The following LARP4B variants were observed in gnomAD, a reference collection of about 807,000 sequenced individuals.
LARP4B encodes the protein la-related protein 4B.
Under a neutral mutation model 89.8 loss-of-function variants are expected in LARP4B, and 12 were observed. That is an observed-to-expected ratio of 0.13 (90% confidence interval 0.09 to 0.22). The LOEUF is 0.22. LARP4B is among the 10% of genes least tolerant of loss of function. LARP4B has a pLI of 1.00. For synonymous variants in LARP4B, 367 were observed against 363.3 expected (o/e 1.01, Z -0.12); for missense variants, 757 against 947.7 (o/e 0.80, Z 2.64).
chr10:948,913 C>T, the LARP4B span, among the ~76,000 whole-genome samples: 12 of 152,320 alleles, frequency 7.9e-5, no homozygotes, highest in East Asian at 1.9e-3. Flanking sequence ...AAGGCCATCT[C>T]GGTAGCTTCC....
chr10:949,284 G>A, the LARP4B span, among the ~76,000 whole-genome samples: 1 of 147,896 alleles, frequency 6.8e-6, no homozygotes, highest in African/African-American at 2.5e-5. Context: ...CGTTTTCCAG[G>A]CAGCTGTACC....
rs372868576 is a variant in LARP4B, at chr10:847,672, G to A, written c.431-2617C>T. Among the ~76,000 whole-genome samples, 26 of 152,054 alleles carry A rather than the reference G, an allele frequency of 1.7e-4. 1 individual carries two copies. In the East Asian group the frequency reaches 2.7e-3, roughly 16 times the overall value. On this transcript the variant is annotated intron_variant, in intron 5 of 17. Transcript: ENST00000316157. Reference sequence around the variant, plus strand: ...CTCCTGAGTAGCGGGGATTACAGGCGCACACCACCAGGCCCAGCTAATTTT... The same window carrying A: ...CTCCTGAGTAGCGGGGATTACAGGCACACACCACCAGGCCCAGCTAATTTT...
the LARP4B span, among the ~76,000 whole-genome samples, chr10:951,479 G>C: frequency 1.3e-5 from 2 of 152,084 alleles, no homozygotes; most frequent in African/African-American, 4.8e-5. Context: ...CCATGAGGTA[G>C]AGGTTGCAAT....
At chr10:981,118 C>T in the LARP4B span, among the ~76,000 whole-genome samples, 3 of 152,214 alleles carry the variant, frequency 2.0e-5, no homozygotes, top group African/African-American at 7.2e-5. Context: ...TAGAATGCAG[C>T]CAAGCTCTTT....
the LARP4B span, among the ~76,000 whole-genome samples, chr10:977,851 T>C: frequency 6.6e-6 from 1 of 152,078 alleles, no homozygotes; most frequent in Non-Finnish European, 1.5e-5. Flanking sequence ...GCTCCACCCA[T>C]ACCAAGGGAT....
chr10:820,776 G>A, intron 14 of LARP4B, 24 bp downstream of exon 14: 2 of 1,583,098 alleles, frequency 1.3e-6, no homozygotes, highest in South Asian at 2.3e-5. Flanking sequence ...GTCTTGTGAA[G>A]AGGTATATGC....
At chr10:984,743 C>T in the LARP4B span, among the ~76,000 whole-genome samples, 2 of 152,160 alleles carry the variant, frequency 1.3e-5, no homozygotes, top group African/African-American at 2.4e-5. Context: ...GACAACATGG[C>T]GAAATCTCCC....
intron 8 of LARP4B, among the ~76,000 whole-genome samples, chr10:832,044 T>A (rs576331024): frequency 5.8e-4 from 88 of 152,300 alleles, no homozygotes; most frequent in Admixed American, 1.7e-3. Context: ...TTTTATTTTT[T>A]TTTATTTATT....
the LARP4B span, among the ~76,000 whole-genome samples, chr10:983,125 T>G: frequency 6.6e-6 from 1 of 152,248 alleles, no homozygotes; most frequent in African/African-American, 2.4e-5. Flanking sequence ...TGTAGCATAT[T>G]TGGATTAATT....
chr10:863,642 A>G, intron 5 of LARP4B, 101 bp downstream of exon 5: 1 of 1,286,272 alleles, frequency 7.8e-7, no homozygotes, highest in Non-Finnish European at 1.1e-6. Context: ...AAAGCAGGCA[A>G]AGAAAGACCC....
the LARP4B span, among the ~76,000 whole-genome samples, chr10:945,573 A>G: frequency 6.6e-6 from 1 of 151,924 alleles, no homozygotes; most frequent in Admixed American, 6.6e-5. Flanking sequence ...CTGTAGTCCC[A>G]GCTACTCGGG....
chr10:952,339 C>CAAAA, the LARP4B span, among the ~76,000 whole-genome samples: 8 of 16,946 alleles, frequency 4.7e-4, no homozygotes, highest in African/African-American at 1.7e-3. Flanking sequence ...GACTCCATCT[C>CAAAA]AAAAAAAAAA....
In LARP4B at chr10:924,790, G is replaced by T. The variant is rs943717852; in HGVS notation, c.-40+6638C>A. Among the ~76,000 whole-genome samples the T allele has an allele frequency of 4.6e-5, 7 of 152,142 alleles. 1 individual carries two copies. The highest frequency in any genetic ancestry group is 4.4e-5 in the Non-Finnish European group (3 of 68,030). On this transcript the variant is annotated intron_variant, in intron 1 of 17. Transcript: ENST00000316157. ...TGTCAGTGCACTGCACTTTCTTATTGGATTATGTGATTGTCCACCTGTCTC... is the reference window on the plus strand; with the variant it reads ...TGTCAGTGCACTGCACTTTCTTATTTGATTATGTGATTGTCCACCTGTCTC...
chr10:924,612 C>T (rs1025088032), intron 1 of LARP4B, among the ~76,000 whole-genome samples: 1 of 152,242 alleles, frequency 6.6e-6, no homozygotes, highest in South Asian at 2.1e-4. Flanking sequence ...CTTGTTCACA[C>T]TAGTTCCTTC....
At chr10:871,412 C>T (rs374094400) in intron 3 of LARP4B, among the ~76,000 whole-genome samples, 65 of 152,014 alleles carry the variant, frequency 4.3e-4, no homozygotes, top group African/African-American at 1.4e-3. Context: ...GTCCACCACA[C>T]GCTCCACACA....
chr10:821,355 A>T (rs1443907533), intron 13 of LARP4B, among the ~76,000 whole-genome samples: 1 of 152,024 alleles, frequency 6.6e-6, no homozygotes, highest in Non-Finnish European at 1.5e-5. Flanking sequence ...CACGAAAACC[A>T]CACAAGGACC....
intron 1 of LARP4B, among the ~76,000 whole-genome samples, chr10:910,970 A>G (rs1202301601): frequency 6.6e-6 from 1 of 152,186 alleles, no homozygotes; most frequent in Admixed American, 6.5e-5. Context: ...CTTAGACCCT[A>G]AACACATTCC....
rs183087364 is a variant in LARP4B, at chr10:909,066, G to A, written c.-40+22362C>T. On this transcript the variant is annotated intron_variant, in intron 1 of 17. Transcript: ENST00000316157. The stretch of plus-strand genomic sequence containing the variant: ...TCCCAGCACTTTGGGAGGCTGAGGC[G>A]GGCAGATCACAAGGTCAGGAGATCA... 9.4e-3 allele frequency among the ~76,000 whole-genome samples: 1,435 copies of A among 151,892 alleles called. 28 individuals carry two copies. Among genetic ancestry groups the A allele is most frequent in the African/African-American group, 0.032 (1,328 of 41,434 alleles).
chr10:931,347 T>TGGCGGCGCAGTGACA (rs1408250193), intron 1 of LARP4B, 81 bp downstream of exon 1: 1 of 150,438 alleles, frequency 6.6e-6, no homozygotes, highest in Admixed American at 6.6e-5. Context: ...TCCGGGAAGA[T>TGGCGGCGCAGTGACA]GGCGGCGCAG....
Sources: gnomAD v4.1 joint callset for allele counts (sites outside exome capture counted in the v4.1 genomes callset) on GRCh38, gnomAD v4.1.1 for gene constraint, MANE v1.5 for transcripts, NCBI Gene and HGNC (gene_info 2026-07-23, HGNC 2026-07-21) for gene names.